ABCA9: variants seen among roughly 807,000 people sequenced by gnomAD.
ABCA9 encodes ATP-binding cassette sub-family A member 9.
Under a neutral mutation model 205.3 loss-of-function variants are expected in ABCA9, and 183 were observed. That is an observed-to-expected ratio of 0.89 (90% CI 0.79 to 1.01). The LOEUF is 1.01. Ranked by LOEUF, ABCA9 falls within the 50% of genes least tolerant of loss-of-function variation. ABCA9 has a pLI of 0.00. For synonymous variants in ABCA9, 651 were observed against 683.3 expected, an observed-to-expected ratio of 0.95 and a Z score of 0.74; for missense variants, 1,805 against 1,912.4, an observed-to-expected ratio of 0.94 and a Z score of 1.05.
intron 2 of ABCA9, among the ~76,000 whole-genome samples, chr17:69,050,525 A>T (rs542489741): frequency 1.8e-4 from 27 of 152,332 alleles, no homozygotes; most frequent in African/African-American, 6.5e-4. Context: ...TTTTAATAGA[A>T]GTAAAAGATC....
intron 25 of ABCA9, among the ~76,000 whole-genome samples, chr17:68,998,866 T>C (rs2144092922): frequency 6.6e-6 from 1 of 152,022 alleles, no homozygotes; most frequent in Non-Finnish European, 1.5e-5. Context: ...TTTATCATTG[T>C]GACTCTGAGC....
chr17:69,031,726 G>A (rs1298783657), intron 10 of ABCA9, among the ~76,000 whole-genome samples: 2 of 152,108 alleles, frequency 1.3e-5, no homozygotes, highest in African/African-American at 4.8e-5. Context: ...GAAGATGAGA[G>A]GGACAAATTG....
intron 3 of ABCA9, 26 bp downstream of exon 3, chr17:69,049,257 T>C (rs2071819618): frequency 6.5e-7 from 1 of 1,537,804 alleles, no homozygotes; most frequent in Middle Eastern, 1.7e-4. Flanking sequence ...AATAAGGAAA[T>C]TACTATGAAC....
At chr17:69,038,958 T>C (rs1014148501) in intron 6 of ABCA9, among the ~76,000 whole-genome samples, 2 of 152,084 alleles carry the variant, frequency 1.3e-5, no homozygotes, top group Admixed American at 6.5e-5. Context: ...GAACTCCCAT[T>C]CACAATTGCT....
intron 9 of ABCA9, 57 bp from the exon 10 acceptor site, chr17:69,032,333 C>CA: frequency 6.6e-7 from 1 of 1,516,330 alleles, no homozygotes; most frequent in African/African-American, 1.4e-5. Context: ...AGGATTCCAT[C>CA]AGCATATCAG....
intron 8 of ABCA9, chr17:69,034,996 T>C (rs548452257): frequency 3.4e-6 from 1 of 292,004 alleles, no homozygotes; most frequent in Admixed American, 5.1e-5. Flanking sequence ...ATGAGACAAA[T>C]GTTCTCTGGG....
the ABCA9 span, among the ~76,000 whole-genome samples, chr17:69,077,297 T>C: frequency 7.9e-4 from 120 of 152,336 alleles, no homozygotes; most frequent in African/African-American, 2.8e-3. Context: ...AGTTTTTAAA[T>C]TTCCATGTAA....
At chr17:68,992,336 T>G (rs1164564674) in intron 27 of ABCA9, 70 bp from the exon 28 acceptor site, 17 of 995,194 alleles carry the variant, frequency 1.7e-5, no homozygotes, top group Non-Finnish European at 2.2e-5. Flanking sequence ...TGGAATTGAT[T>G]TAAAGAGTTT....
chr17:69,014,518 A>G (rs2070511398), intron 22 of ABCA9, among the ~76,000 whole-genome samples: 1 of 152,196 alleles, frequency 6.6e-6, no homozygotes, highest in Non-Finnish European at 1.5e-5. Context: ...AATAGTAACA[A>G]CTATTTCAAA....
chr17:69,050,399 TAA>T (rs1328709408), intron 2 of ABCA9, among the ~76,000 whole-genome samples: 2 of 151,720 alleles, frequency 1.3e-5, no homozygotes, highest in East Asian at 3.9e-4. Flanking sequence ...GATGTTAATA[TAA>T]GTTTTGAACT....
the ABCA9 span, among the ~76,000 whole-genome samples, chr17:69,074,786 G>A: frequency 1.3e-5 from 2 of 151,938 alleles, no homozygotes; most frequent in Admixed American, 6.6e-5. Context: ...TTTTCCTTTG[G>A]TTATATACCC....
intron 25 of ABCA9, among the ~76,000 whole-genome samples, 154 bp downstream of exon 25, chr17:69,007,605 T>C (rs2070193413): frequency 6.6e-6 from 1 of 152,210 alleles, no homozygotes; most frequent in Admixed American, 6.5e-5. Context: ...CACTCACTCA[T>C]AGAGTAGACT....
the ABCA9 span, among the ~76,000 whole-genome samples, chr17:69,076,018 TC>T: frequency 6.6e-6 from 1 of 152,154 alleles, no homozygotes; most frequent in Non-Finnish European, 1.5e-5. Flanking sequence ...TATTTCCTTT[TC>T]TTGCATCATT....
chr17:69,011,891 C>T, intron 23 of ABCA9, 85 bp downstream of exon 23: 5 of 767,726 alleles, frequency 6.5e-6, no homozygotes, highest in Non-Finnish European at 5.9e-6. Flanking sequence ...TTAGATTTAC[C>T]ACTTGCATGT....
the ABCA9 span, among the ~76,000 whole-genome samples, chr17:69,074,148 C>T: frequency 6.6e-6 from 1 of 152,124 alleles, no homozygotes; most frequent in South Asian, 2.1e-4. Context: ...CATCTTGCTC[C>T]ATTCTCTCCT....
rs544616005 is a variant in ABCA9 at position 69,029,563 on chromosome 17, A to G, written c.1446-336T>C. Among the ~76,000 whole-genome samples the G allele has an allele frequency of 1.1e-3, 163 of 152,304 alleles. 1 individual carries two copies. Among genetic ancestry groups the G allele is most frequent in the African/African-American group, 3.8e-3 (158 of 41,572 alleles). The stretch of plus-strand genomic sequence containing the variant: ...ATAAAATCAGTGGTGAGGAGATACT[A>G]TGGTGGAAAAAAGAAGAGAAAAAAC... On this transcript the variant is annotated intron_variant, in intron 10 of 38. Coordinates refer to ENST00000340001, the MANE Select transcript of ABCA9 (RefSeq NM_080283.4).
At chr17:69,076,091 T>C in the ABCA9 span, among the ~76,000 whole-genome samples, 1 of 152,194 alleles carries the variant, frequency 6.6e-6, no homozygotes, top group Admixed American at 6.5e-5. Context: ...ATCCTTGTCT[T>C]GTTGCAGTTT....
chr17:68,992,086 G>A, intron 28 of ABCA9, 89 bp downstream of exon 28: 1 of 881,036 alleles, frequency 1.1e-6, no homozygotes, highest in East Asian at 2.8e-5. Context: ...CCTGTGAAGT[G>A]TCTTTTACTT....
At chr17:68,998,376 G>A (rs1266538874) in intron 25 of ABCA9, among the ~76,000 whole-genome samples, 1 of 152,176 alleles carries the variant, frequency 6.6e-6, no homozygotes, top group Non-Finnish European at 1.5e-5. Context: ...TTGGAAGAGA[G>A]AAATTCCATT....
Sources: allele counts gnomAD v4.1 joint callset (sites outside exome capture counted in the v4.1 genomes callset), GRCh38; gene constraint gnomAD v4.1.1; transcripts MANE v1.5; gene names NCBI Gene and HGNC (gene_info 2026-07-23, HGNC 2026-07-21).